The following PTPN18 variants were observed in gnomAD, a reference collection of about 807,000 sequenced individuals.
PTPN18 encodes protein tyrosine phosphatase non-receptor type 18, also known as tyrosine-protein phosphatase non-receptor type 18.
Under a neutral mutation model 65.4 loss-of-function variants are expected in PTPN18, and 65 were observed. The observed-to-expected ratio is 0.99, with a 90% CI of 0.81 to 1.22. The LOEUF (loss-of-function observed/expected upper bound fraction) is 1.22, where lower values mean the gene tolerates loss of function less well. Ranked by LOEUF, PTPN18 falls within the 50% of genes most tolerant of loss-of-function variation. The probability of loss-of-function intolerance (pLI) is 0.00; values close to 1 mark genes in which losing one functional copy is unlikely to be tolerated. For missense variants in PTPN18, 616 were observed against 646.5 expected, an observed-to-expected ratio of 0.95 and a Z score of 0.51; for synonymous variants, 255 against 267.8, an observed-to-expected ratio of 0.95 and a Z score of 0.47.
chr2:130,358,716 T>TATTA (rs923956554), intron 1 of PTPN18, 151 bp from the exon 2 acceptor site: 62 of 635,906 alleles, frequency 9.7e-5, no homozygotes, highest in Non-Finnish European at 2.3e-5. Context: ...GTATCATTAT[T>TATTA]ATTAGGCAGG....
chr2:130,372,911 G>A lies in PTPN18; in HGVS notation c.1279G>A (p.Glu427Lys), dbSNP rs1319505038. The part of the protein sequence containing the change: ...DQSPAGSGAY[E>K]DVAGGAQTGG... ...AAGTCCTGCCGGATCTGGCGCCTACGAGGACGTGGCGGGTGGAGCTCAGAC... is the reference window on the plus strand; with the variant it reads ...AAGTCCTGCCGGATCTGGCGCCTACAAGGACGTGGCGGGTGGAGCTCAGAC... Residue 427 changes from glutamate (E) to lysine (K), a missense_variant, in exon 14 of 15, where the codon GAG (glutamate) becomes AAG (lysine). Around this residue, in one of 3 missense-constraint regions of PTPN18, gnomAD observed 368 missense variants for 386.7 expected, o/e 0.95. Transcript: ENST00000175756. The A allele has an allele frequency of 1.9e-6, 3 of 1,614,226 alleles. No homozygotes were observed. Among genetic ancestry groups the A allele is most frequent in the Non-Finnish European group, 2.5e-6 (3 of 1,180,034 alleles).
rs955771047 is a variant in PTPN18, at chr2:130,371,197, A to C, written c.925-2A>C. On this transcript the variant is annotated splice_acceptor_variant, in intron 11 of 14. Coordinates refer to ENST00000175756, the MANE Select transcript of PTPN18 (RefSeq NM_014369.4). LOFTEE classifies it high-confidence loss of function. ...GGAGCCTCCCCTCCTGTTTTTCTTC[A>C]GAATTGTGCCCCACTCTACGACGAT... The C allele has an allele frequency of 1.9e-6, 3 of 1,603,358 alleles. No homozygotes were observed. The African/African-American group carries it at 4.0e-5, about 21-fold the overall frequency.
chr2:130,361,790 G>A (rs1019125190), intron 5 of PTPN18, among the ~76,000 whole-genome samples: 8 of 152,052 alleles, frequency 5.3e-5, no homozygotes, highest in African/African-American at 1.4e-4. Context: ...GTTTCACCAT[G>A]TTGGCCAGGC....
At chr2:130,364,650 G>A (rs868824663) in intron 5 of PTPN18, among the ~76,000 whole-genome samples, 2 of 152,140 alleles carry the variant, frequency 1.3e-5, no homozygotes, top group African/African-American at 4.8e-5. Context: ...CAAAAAATTA[G>A]CCAGGCGTGG....
At chr2:130,370,328 G>T in intron 8 of PTPN18, 138 bp downstream of exon 8, 1 of 1,327,362 alleles carries the variant, frequency 7.5e-7, no homozygotes, top group Non-Finnish European at 1.0e-6. Flanking sequence ...GACTGTAATT[G>T]TGAGCACTTG....
rs2104919030 is a variant in PTPN18, at chr2:130,356,078, C to T, written c.-30C>T. On this transcript the variant is annotated 5_prime_UTR_variant, in exon 1 of 15. Transcript: ENST00000175756. ...TCCACACTCGCCGCGCGCGCGGCGG[C>T]CGGGCTGGACCTTGCTGGCCCGCGG... 2 of 1,223,324 alleles carry T rather than the reference C, an allele frequency of 1.6e-6. No individual in the cohort carries two copies. Among genetic ancestry groups the T allele is most frequent in the African/African-American group, 1.6e-5 (1 of 63,594 alleles). 75.8% of individuals were successfully genotyped at this position (1,223,324 alleles called of 1,614,324 possible).
chr2:130,356,564 C>T (rs1410603791), intron 1 of PTPN18: 1 of 492,630 alleles, frequency 2.0e-6, no homozygotes, highest in Admixed American at 2.3e-5. Flanking sequence ...CCGGCCCCGC[C>T]GCTTCTGGCG....
At position 130,356,213 on chromosome 2, in the gene PTPN18, C is replaced by T; in HGVS notation, c.93+13C>T. 5 of 1,320,438 alleles carry T rather than the reference C, an allele frequency of 3.8e-6. No homozygotes were observed. Among genetic ancestry groups the T allele is most frequent in the Non-Finnish European group, 4.8e-6 (5 of 1,037,008 alleles). 81.8% of individuals were successfully genotyped at this position (1,320,438 alleles called of 1,614,324 possible). ...CGGCGAGTTCAGCGTGAGTGGCACA[C>T]GGGGTCCGCGAGCGGCGCGCCCCGG... On this transcript the variant is annotated intron_variant, in intron 1 of 14. Coordinates refer to ENST00000175756, the MANE Select transcript of PTPN18 (RefSeq NM_014369.4).
chr2:130,361,520 TTC>T (rs1158805883), intron 5 of PTPN18, among the ~76,000 whole-genome samples: 2 of 51,538 alleles, frequency 3.9e-5, no homozygotes, highest in Non-Finnish European at 9.1e-5. Flanking sequence ...TTCTCTTTCT[TTC>T]TTTCTTTCTT....
intron 5 of PTPN18, among the ~76,000 whole-genome samples, chr2:130,361,524 T>TTCTTTCTTTCTTTCTTTCTTTCTTTC (rs1680199676): frequency 1.9e-4 from 21 of 112,852 alleles, no homozygotes; most frequent in African/African-American, 7.2e-4. Flanking sequence ...CTTTCTTTCT[T>TTCTTTCTTTCTTTCTTTCTTTCTTTC]TCTTTCTTTC....
intron 4 of PTPN18, 47 bp from the exon 5 acceptor site, chr2:130,359,561 C>T (rs1680125814): frequency 6.2e-7 from 1 of 1,612,576 alleles, no homozygotes; most frequent in South Asian, 1.1e-5. Context: ...GTTTCCCTGG[C>T]CCCCTCACCC....
At chr2:130,368,459 T>C (rs1281943987) in intron 5 of PTPN18, among the ~76,000 whole-genome samples, 1 of 152,190 alleles carries the variant, frequency 6.6e-6, no homozygotes, top group Non-Finnish European at 1.5e-5. Context: ...TTATAGTTGA[T>C]AATGCCTCTA....
In PTPN18 at chr2:130,370,763, C is replaced by T; in HGVS notation, c.815C>T (p.Pro272Leu). ...GTCCTTAAGATGAGGAAGCAGCGGC[C>T]TGCGGCCGTGCAGACAGAGGTGAAC... Reference protein sequence around the residue: ...DVVLKMRKQRPAAVQTEEQYR... With the variant: ...DVVLKMRKQRLAAVQTEEQYR... Residue 272 changes from proline to leucine, a missense_variant, in exon 10 of 15, where the codon CCT becomes CTT. Transcript: ENST00000175756. 6.2e-7 allele frequency: 1 copy of T among 1,614,206 alleles called. No individual in the cohort carries two copies. Among genetic ancestry groups the T allele is most frequent in the Non-Finnish European group, 8.5e-7 (1 of 1,180,014 alleles).
rs372307472 is a variant in PTPN18 at position 130,359,384 on chromosome 2, C to T, written c.280-13C>T. ...GGCCGCAGAATCTCAGTCGTGAATTCGGCCTTCACCAGGGCGTGGATGGAA... is the reference window on the plus strand; with the variant it reads ...GGCCGCAGAATCTCAGTCGTGAATTTGGCCTTCACCAGGGCGTGGATGGAA... On this transcript the variant is annotated splice_polypyrimidine_tract_variant and intron_variant, in intron 3 of 14. Coordinates refer to ENST00000175756, the MANE Select transcript of PTPN18 (RefSeq NM_014369.4). 130 of 1,613,954 alleles carry T rather than the reference C, an allele frequency of 8.1e-5. No individual in the cohort carries two copies. The highest frequency in any genetic ancestry group is 1.0e-4 in the Non-Finnish European group (121 of 1,179,982).
At chr2:130,369,971 G>A in intron 7 of PTPN18, 77 bp from the exon 8 acceptor site, 1 of 1,580,076 alleles carries the variant, frequency 6.3e-7, no homozygotes. Context: ...AAGTGGGCCT[G>A]GTGTATAGTA....
chr2:130,359,055 C>G, intron 2 of PTPN18, 80 bp downstream of exon 2: 1 of 1,495,208 alleles, frequency 6.7e-7, no homozygotes, highest in African/African-American at 1.4e-5. Flanking sequence ...ACTGGAGTCA[C>G]CCACTGTGCT....
chr2:130,366,163 A>G (rs1573862373), intron 5 of PTPN18, among the ~76,000 whole-genome samples: 1 of 152,210 alleles, frequency 6.6e-6, no homozygotes, highest in Admixed American at 6.5e-5. Flanking sequence ...TAGGTTTCTG[A>G]TAACAGTGGC....
chr2:130,361,512 CTCTTTCTTTCTT>C (rs70994707), intron 5 of PTPN18, among the ~76,000 whole-genome samples: 10,266 of 122,834 alleles, frequency 0.084, 491 homozygotes, highest in South Asian at 0.12. Context: ...TCTTTTCTTT[CTCTTTCTTTCTT>C]TCTTTCTTTC....
rs775617765 is a variant in PTPN18 at position 130,372,335 on chromosome 2, G to T, written c.1092G>T (p.Ala364=). 43 of 1,424,690 alleles carry T rather than the reference G, an allele frequency of 3.0e-5. No homozygotes were observed. Among genetic ancestry groups the T allele is most frequent in the Non-Finnish European group, 3.8e-5 (42 of 1,098,268 alleles). 88.3% of individuals were successfully genotyped at this position (1,424,690 alleles called of 1,614,324 possible). The part of the protein sequence containing the change: ...YAVVQKRGAP[A]GAGSGTQTGT... ...TGGTGCAGAAGCGCGGGGCTCCAGC[G>T]GGCGCCGGGAGTGGGACGCAGACGG... is the stretch of plus-strand genomic sequence containing the variant. The change falls in exon 13 of 15, where the codon GCG becomes GCT. Residue 364 remains alanine, a synonymous_variant. Transcript: ENST00000175756.
Sources: gnomAD v4.1 joint callset for allele counts (sites outside exome capture counted in the v4.1 genomes callset) on GRCh38, gnomAD v4.1.1 for gene constraint, gnomAD v4.1.1 regional missense constraint, MANE v1.5 for transcripts, NCBI Gene and HGNC (gene_info 2026-07-23, HGNC 2026-07-21) for gene names.